The following RBFOX2 variants were observed in gnomAD, a reference collection of about 807,000 sequenced individuals.
RBFOX2 encodes RNA binding fox-1 homolog 2.
RBFOX2 carries 10 observed loss-of-function variants against 49.1 expected under a neutral mutation model. The ratio of observed to expected loss-of-function variants is 0.20; its 90% CI spans 0.13 to 0.35. The LOEUF is 0.35. Ranked by LOEUF, RBFOX2 falls within the 10% of genes least tolerant of loss-of-function variation. The pLI is 1.00. For missense variants in RBFOX2, 323 were observed against 486.9 expected (o/e 0.66, Z 3.17); for synonymous variants, 183 against 187.4 (o/e 0.98, Z 0.19).
chr22:35,831,880 A>T (rs139135556), intron 1 of RBFOX2, among the ~76,000 whole-genome samples: 47 of 152,326 alleles, frequency 3.1e-4, no homozygotes, highest in African/African-American at 1.1e-3. Flanking sequence ...TTACTCAGTG[A>T]CAGTAACCTT....
chr22:35,958,959 C>CTATA (rs71810155), intron 1 of RBFOX2, among the ~76,000 whole-genome samples: 125 of 126,112 alleles, frequency 9.9e-4, no homozygotes, highest in Middle Eastern at 7.7e-3. Context: ...ATAGAGAAAA[C>CTATA]TATATATATA....
chr22:35,926,068 G>A (rs1011229348), intron 1 of RBFOX2, among the ~76,000 whole-genome samples: 3 of 152,132 alleles, frequency 2.0e-5, no homozygotes, highest in East Asian at 3.9e-4. Context: ...ACTGAAACCC[G>A]TAACTATATT....
chr22:35,914,721 G>A (rs1259789680), intron 1 of RBFOX2, among the ~76,000 whole-genome samples: 1 of 152,218 alleles, frequency 6.6e-6, no homozygotes, highest in Non-Finnish European at 1.5e-5. Context: ...GTGATTGGTT[G>A]GTTCCCAAAG....
exon 5 of RBFOX2, chr22:35,768,286 C>T (rs763173578): frequency 1.2e-6 from 2 of 1,614,170 alleles, no homozygotes; most frequent in Non-Finnish European, 1.7e-6. Context: ...ACCACGGTGC[C>T]GTGTAATTTC....
chr22:36,013,976 C>CA (rs530179418), intron 1 of RBFOX2, among the ~76,000 whole-genome samples: 214 of 151,320 alleles, frequency 1.4e-3, no homozygotes, highest in African/African-American at 4.6e-3. Context: ...AAACGCTACA[C>CA]AATAGTTCAG....
At chr22:35,901,326 T>G (rs2048544447) in intron 1 of RBFOX2, among the ~76,000 whole-genome samples, 1 of 152,138 alleles carries the variant, frequency 6.6e-6, no homozygotes, top group African/African-American at 2.4e-5. Flanking sequence ...AACCCTGCAC[T>G]CTACCTCTGC....
chr22:35,795,211 T>C (rs575872950), intron 2 of RBFOX2, among the ~76,000 whole-genome samples: 2 of 152,248 alleles, frequency 1.3e-5, no homozygotes, highest in Admixed American at 1.3e-4. Context: ...ATATATATTT[T>C]ATGTAGGCTC....
At chr22:35,840,152 A>G in intron 1 of RBFOX2, 1 of 1,606,500 alleles carries the variant, frequency 6.2e-7, no homozygotes, top group Non-Finnish European at 8.5e-7. Context: ...TAGATCCCAG[A>G]GAGGAGAAAA....
At chr22:35,920,355 C>G (rs1178478401) in intron 1 of RBFOX2, among the ~76,000 whole-genome samples, 1 of 152,192 alleles carries the variant, frequency 6.6e-6, no homozygotes, top group Non-Finnish European at 1.5e-5. Context: ...AAAAAGCCAA[C>G]AATAAAAGCA....
intron 1 of RBFOX2, among the ~76,000 whole-genome samples, chr22:36,017,530 A>G (rs1285569547): frequency 6.6e-6 from 1 of 152,030 alleles, no homozygotes; most frequent in Admixed American, 6.6e-5. Context: ...ACTCGGTCTC[A>G]AAAAAAATAA....
intron 1 of RBFOX2, among the ~76,000 whole-genome samples, chr22:35,896,008 GT>G (rs1356152900): frequency 6.6e-6 from 1 of 152,096 alleles, no homozygotes; most frequent in Non-Finnish European, 1.5e-5. Context: ...AGAAAATCAC[GT>G]AATTATCCCC....
intron 1 of RBFOX2, among the ~76,000 whole-genome samples, chr22:36,004,019 G>GATGCC (rs1411041513): frequency 6.6e-6 from 1 of 152,150 alleles, no homozygotes; most frequent in African/African-American, 2.4e-5. Context: ...CCAACCCCTA[G>GATGCC]ATGCCAGTAA....
chr22:35,958,379 C>G (rs1234256020), intron 1 of RBFOX2, among the ~76,000 whole-genome samples: 1 of 152,140 alleles, frequency 6.6e-6, no homozygotes, highest in African/African-American at 2.4e-5. Flanking sequence ...GTATACCTAC[C>G]CCATAGAGAA....
At chr22:36,024,353 CAATT>C (rs2059350928) in intron 1 of RBFOX2, among the ~76,000 whole-genome samples, 1 of 152,116 alleles carries the variant, frequency 6.6e-6, no homozygotes, top group African/African-American at 2.4e-5. Context: ...AGATGACACA[CAATT>C]AAGCATCAAT....
At chr22:35,811,960 GAAA>G (rs778461703) in intron 1 of RBFOX2, among the ~76,000 whole-genome samples, 5 of 110,656 alleles carry the variant, frequency 4.5e-5, no homozygotes, top group African/African-American at 6.7e-5. Flanking sequence ...TCTCTTAAGG[GAAA>G]AAAAAAAAAA....
chr22:35,770,012 A>G (rs1272864608), intron 4 of RBFOX2, among the ~76,000 whole-genome samples: 1 of 152,168 alleles, frequency 6.6e-6, no homozygotes, highest in African/African-American at 2.4e-5. Flanking sequence ...ACTCTCCTAA[A>G]GAATGTGTAA....
chr22:35,905,611 G>C (rs898155047), intron 1 of RBFOX2, among the ~76,000 whole-genome samples: 18 of 152,290 alleles, frequency 1.2e-4, no homozygotes, highest in African/African-American at 4.3e-4. Context: ...ACAAATTCAA[G>C]AGTTCAGTCC....
intron 1 of RBFOX2, among the ~76,000 whole-genome samples, chr22:35,833,439 T>C (rs1347890901): frequency 2.6e-5 from 4 of 152,188 alleles, no homozygotes; most frequent in Non-Finnish European, 5.9e-5. Context: ...GAACTATTTA[T>C]CTTATGAGGT....
In RBFOX2 at chr22:36,000,805, C is replaced by T. The variant is rs191424468; in HGVS notation, c.186+27435G>A. On this transcript the variant is annotated intron_variant, in intron 1 of 13. Transcript: ENST00000438146. The stretch of plus-strand genomic sequence containing the variant: ...CCTGATTCTTTCTGCTTTTGCCTGC[C>T]TCTTGACATCTTTCCCTTAACCTGT... Among the ~76,000 whole-genome samples, 6 of 152,164 alleles carry T rather than the reference C, an allele frequency of 3.9e-5. No homozygotes were observed. In the East Asian group the frequency reaches 1.2e-3, roughly 29 times the overall value.
Sources: gnomAD v4.1 joint callset for allele counts (sites outside exome capture counted in the v4.1 genomes callset) on GRCh38, gnomAD v4.1.1 for gene constraint, MANE v1.5 for transcripts, NCBI Gene and HGNC (gene_info 2026-07-23, HGNC 2026-07-21) for gene names.